The following FREM1 variants were observed in gnomAD, a reference collection of about 807,000 sequenced individuals.
FREM1 encodes FRAS1 related extracellular matrix 1, also known as FRAS1-related extracellular matrix protein 1.
In FREM1, 220 loss-of-function variants were observed where a neutral mutation model predicts 210.1. The ratio of observed to expected loss-of-function variants is 1.05; its 90% confidence interval spans 0.94 to 1.17. FREM1 has a LOEUF of 1.17. Among genes scored for constraint, FREM1 ranks in the 50% most tolerant of loss-of-function variants. The probability of loss-of-function intolerance (pLI) is 0.00; values close to 1 mark genes in which losing one functional copy is unlikely to be tolerated. For synonymous variants in FREM1, 1,189 were observed against 980.2 expected (o/e 1.21, Z -3.98); for missense variants, 3,454 against 2,675.5 (o/e 1.29, Z -6.42).
chr9:14,905,707 G>A (rs1817568620), intron 1 of FREM1, among the ~76,000 whole-genome samples: 1 of 152,142 alleles, frequency 6.6e-6, no homozygotes, highest in Admixed American at 6.5e-5. Context: ...TGGCCAACAT[G>A]GCAAAACCCT....
Position 14,769,721 on chromosome 9 carries a change from T to C in FREM1, c.5204+3A>G. Reference sequence around the variant, plus strand: ...GGACTACTGAATAAGCAAGAGAATTTACATTTGAGGAGTGGCCGAGTTCCC... The same window carrying C: ...GGACTACTGAATAAGCAAGAGAATTCACATTTGAGGAGTGGCCGAGTTCCC... On this transcript the variant is annotated splice_donor_region_variant and intron_variant, in intron 27 of 36. Coordinates refer to ENST00000380880, the MANE Select transcript of FREM1 (RefSeq NM_001379081.2). The C allele has an allele frequency of 1.2e-6, 2 of 1,611,866 alleles. No homozygotes were observed. The highest frequency in any genetic ancestry group is 1.7e-6 in the Non-Finnish European group (2 of 1,178,784).
At chr9:14,797,744 G>A (rs1467798226) in intron 20 of FREM1, 102 bp from the exon 21 acceptor site, 1 of 987,764 alleles carries the variant, frequency 1.0e-6, no homozygotes, top group Non-Finnish European at 1.5e-6. Flanking sequence ...GTATTAGCAA[G>A]AGTTCATTTA....
chr9:14,887,302 C>G (rs1056379141), intron 1 of FREM1, among the ~76,000 whole-genome samples: 1 of 128,160 alleles, frequency 7.8e-6, no homozygotes, highest in Admixed American at 7.6e-5. Context: ...AGTAAACATT[C>G]GAAGTGACTT....
intron 23 of FREM1, among the ~76,000 whole-genome samples, chr9:14,787,293 C>T (rs1192483275): frequency 6.6e-6 from 1 of 151,922 alleles, no homozygotes; most frequent in East Asian, 1.9e-4. Context: ...AAACAAAAAA[C>T]TGTACAGTGA....
chr9:14,743,012 G>A (rs962624553), intron 35 of FREM1, among the ~76,000 whole-genome samples: 1 of 152,026 alleles, frequency 6.6e-6, no homozygotes, highest in Non-Finnish European at 1.5e-5. Context: ...ATAAACTGTA[G>A]ATAAGAGAAG....
In FREM1 at chr9:14,861,402, A is replaced by T. The variant is rs547703708; in HGVS notation, c.330-1918T>A. On this transcript the variant is annotated intron_variant, in intron 3 of 36. Coordinates refer to ENST00000380880, the MANE Select transcript of FREM1 (RefSeq NM_001379081.2). ...ACATATATGTACACATATATATGTAATGGGGTACATGAGATACTTTCATAC... is the reference window on the plus strand; with the variant it reads ...ACATATATGTACACATATATATGTATTGGGGTACATGAGATACTTTCATAC... Among the ~76,000 whole-genome samples, 15 of 148,448 alleles carry T rather than the reference A, an allele frequency of 1.0e-4. No homozygotes were observed. The East Asian group carries it at 1.4e-3, about 14-fold the overall frequency.
intron 1 of FREM1, among the ~76,000 whole-genome samples, chr9:14,876,023 C>T (rs12235299): frequency 6.6e-6 from 1 of 152,094 alleles, no homozygotes; most frequent in Non-Finnish European, 1.5e-5. Context: ...GCTGTCTGAT[C>T]GTTCCTCTGG....
chr9:14,902,316 G>C (rs149181644), intron 1 of FREM1, among the ~76,000 whole-genome samples: 4 of 152,194 alleles, frequency 2.6e-5, no homozygotes, highest in Non-Finnish European at 4.4e-5. Flanking sequence ...ATCTCTGACC[G>C]TGTCTCCATT....
At position 14,845,984 on chromosome 9, in the gene FREM1, G is replaced by A; in HGVS notation, c.1369C>T (p.Gln457Ter). Residue 457 changes from glutamine to a stop codon, truncating the protein, a stop_gained, in exon 8 of 37, where the codon CAG becomes TAG. Transcript: ENST00000380880. LOFTEE classifies it high-confidence loss of function. ...AVRLVTVGGLQHGWLTLRGGK... is the reference protein window; with the variant it reads ...AVRLVTVGGL ...CCTCTTAAAGTCAGCCATCCATGCT[G>A]CAGGCCACCAACGGTGACTAGCCGG... 6.2e-7 allele frequency: 1 copy of A among 1,613,526 alleles called. No homozygotes were observed. The highest frequency in any genetic ancestry group is 8.5e-7 in the Non-Finnish European group (1 of 1,179,666).
rs766125134 is a variant in FREM1 at position 14,841,559 on chromosome 9, T to A, written c.1769A>T (p.Asp590Val). 3.7e-6 allele frequency: 6 copies of A among 1,610,884 alleles called. No individual in the cohort carries two copies. The highest frequency in any genetic ancestry group is 5.1e-6 in the Non-Finnish European group (6 of 1,177,866). ...GYPVHGFLQR[D>V]LFNGIIYYRH... ...ATAATAAATGATTCCATTAAACAAA[T>A]CCCTCTGAAGGAAGCCATGGACAGG... Residue 590 changes from aspartate to valine, a missense_variant, in exon 10 of 37, where the codon GAT (aspartate) becomes GTT (valine). Coordinates refer to ENST00000380880, the MANE Select transcript of FREM1 (RefSeq NM_001379081.2).
At chr9:14,782,421 G>A in intron 24 of FREM1, 1 of 852,242 alleles carries the variant, frequency 1.2e-6, no homozygotes, top group Non-Finnish European at 1.4e-6. Context: ...TCTCCAGCAA[G>A]GTCACTGGTT....
intron 1 of FREM1, among the ~76,000 whole-genome samples, chr9:14,891,435 C>G (rs1423795931): frequency 2.0e-5 from 3 of 152,148 alleles, no homozygotes; most frequent in African/African-American, 4.8e-5. Context: ...TGATTCAAAA[C>G]AGGCAGTAAT....
chr9:14,794,984 C>T (rs1054053995), intron 21 of FREM1, among the ~76,000 whole-genome samples: 3 of 120,252 alleles, frequency 2.5e-5, no homozygotes, highest in Admixed American at 2.0e-4. Context: ...GGTGACAGAG[C>T]GAGACTTTCT....
rs576509140 is a variant in FREM1 at position 14,814,794 on chromosome 9, A to C, written c.2641-1730T>G. ...TAAGAATATTCCTTCTGGGTAAAAA[A>C]AAAATCACAAACACTTGTCAAAAAA... On this transcript the variant is annotated intron_variant, in intron 15 of 36. Transcript: ENST00000380880. Among the ~76,000 whole-genome samples, 119 of 152,346 alleles carry C rather than the reference A, an allele frequency of 7.8e-4. No homozygotes were observed. The South Asian group carries it at 0.024, about 31-fold the overall frequency.
At chr9:14,787,620 C>T (rs1850621701) in intron 23 of FREM1, among the ~76,000 whole-genome samples, 1 of 152,116 alleles carries the variant, frequency 6.6e-6, no homozygotes, top group Non-Finnish European at 1.5e-5. Context: ...TATCTCACTT[C>T]TTGAGTGACT....
intron 27 of FREM1, among the ~76,000 whole-genome samples, chr9:14,762,379 G>C (rs564142498): frequency 2.0e-5 from 3 of 152,312 alleles, no homozygotes; most frequent in African/African-American, 7.2e-5. Flanking sequence ...ACCATGACAA[G>C]TAAAAATCCA....
At chr9:14,833,422 C>T (rs1318831541) in intron 10 of FREM1, among the ~76,000 whole-genome samples, 5 of 152,072 alleles carry the variant, frequency 3.3e-5, no homozygotes, top group Admixed American at 1.3e-4. Context: ...CAGGGATGGT[C>T]GAGGAGAGCT....
chr9:14,781,860 C>A (rs1162308240), intron 24 of FREM1, among the ~76,000 whole-genome samples: 1 of 152,232 alleles, frequency 6.6e-6, no homozygotes, highest in Non-Finnish European at 1.5e-5. Context: ...CCCGCCACCA[C>A]TCCCAACTAA....
intron 6 of FREM1, 82 bp from the exon 7 acceptor site, chr9:14,848,855 A>G (rs1827158103): frequency 1.3e-6 from 1 of 743,204 alleles, no homozygotes; most frequent in Non-Finnish European, 2.3e-6. Flanking sequence ...ATACCCACAC[A>G]CAGTGGATTC....
Sources: gnomAD v4.1 joint callset for allele counts (sites outside exome capture counted in the v4.1 genomes callset) on GRCh38, gnomAD v4.1.1 for gene constraint, MANE v1.5 for transcripts, NCBI Gene and HGNC (gene_info 2026-07-23, HGNC 2026-07-21) for gene names.